STAT4: variants seen among roughly 807,000 people sequenced by gnomAD.
STAT4 encodes the protein signal transducer and activator of transcription 4.
STAT4 carries 42 observed loss-of-function variants against 110.5 expected under a neutral mutation model. That is an observed-to-expected ratio of 0.38 (90% CI 0.30 to 0.49). STAT4 has a LOEUF of 0.49. Ranked by LOEUF, STAT4 falls within the 20% of genes least tolerant of loss-of-function variation. STAT4 has a pLI of 0.95. For synonymous variants in STAT4, 284 were observed against 302.2 expected, an observed-to-expected ratio of 0.94 and a Z score of 0.63; for missense variants, 632 against 887.9, an observed-to-expected ratio of 0.71 and a Z score of 3.66.
rs1168239708 is a variant in STAT4, at chr2:191,147,501, T to TG, written c.128+574dup. Among the ~76,000 whole-genome samples, 4 of 152,026 alleles carry TG rather than the reference T, an allele frequency of 2.6e-5. No individual in the cohort carries two copies. Among genetic ancestry groups the TG allele is most frequent in the Non-Finnish European group, 5.9e-5 (4 of 67,968 alleles). ...AAATAGAATGGTGATTGCCAGGGGT[T>TG]GGGGGTGGAGGACTAGGGAGTTACT... On this transcript the variant is annotated intron_variant, in intron 2 of 23. Coordinates refer to ENST00000392320, the MANE Select transcript of STAT4 (RefSeq NM_003151.4). The surrounding 1 kb of genome is among the most constrained non-coding windows in gnomAD (Gnocchi z 4.1).
rs940493784 is a variant in STAT4 at position 191,058,585 on chromosome 2, C to T, written c.1094+125G>A. On this transcript the variant is annotated intron_variant, in intron 11 of 23. Coordinates refer to ENST00000392320, the MANE Select transcript of STAT4 (RefSeq NM_003151.4). This position sits in a 1 kb window ranked among gnomAD's most constrained non-coding sequence, Gnocchi z 4.3. ...ACTTCAAAGTCAAATATTTGAAGTA[C>T]ATTCATTATATAATGTTAGATAAGT... 1.6e-6 allele frequency: 1 copy of T among 644,360 alleles called. No individual in the cohort carries two copies. 39.9% of individuals were successfully genotyped at this position (644,360 alleles called of 1,614,324 possible).
chr2:191,137,527 T>A lies in STAT4; in HGVS notation c.273+9086A>T, dbSNP rs189781697. 7.7e-3 allele frequency among the ~76,000 whole-genome samples: 1,170 copies of A among 151,814 alleles called. 10 individuals are homozygous for A. Among genetic ancestry groups the A allele is most frequent in the African/African-American group, 0.023 (940 of 41,426 alleles). On this transcript the variant is annotated intron_variant, in intron 3 of 23. Coordinates refer to ENST00000392320, the MANE Select transcript of STAT4 (RefSeq NM_003151.4). ...ACAAAATAGTAAAATAGAAAAAAAATTTGTATGGTACCAAAAAGAGCCTGA... is the reference window on the plus strand; with the variant it reads ...ACAAAATAGTAAAATAGAAAAAAAAATTGTATGGTACCAAAAAGAGCCTGA...
chr2:191,038,277 T>C (rs545133899), intron 16 of STAT4, among the ~76,000 whole-genome samples: 1 of 152,300 alleles, frequency 6.6e-6, no homozygotes, highest in East Asian at 1.9e-4. Context: ...AGTCTTCCTC[T>C]CTGCAATTAA....
At position 191,046,994 on chromosome 2, in the gene STAT4, C is replaced by G. The variant is rs1226862225; in HGVS notation, c.1252-5846G>C. ...TGATTAGGAGTTGGAACTTCTACCC[C>G]ACTCCCTGACCTCTGGGAAGGGGAG... On this transcript the variant is annotated intron_variant, in intron 14 of 23. Coordinates refer to ENST00000392320, the MANE Select transcript of STAT4 (RefSeq NM_003151.4). The surrounding 1 kb of genome is among the most constrained non-coding windows in gnomAD (Gnocchi z 4.6). 3.3e-5 allele frequency among the ~76,000 whole-genome samples: 5 copies of G among 152,144 alleles called. No individual in the cohort carries two copies. The highest frequency in any genetic ancestry group is 7.4e-5 in the Non-Finnish European group (5 of 68,026).
At chr2:191,130,219 C>A (rs200794853) in intron 3 of STAT4, among the ~76,000 whole-genome samples, 1 of 120,826 alleles carries the variant, frequency 8.3e-6, no homozygotes, top group Non-Finnish European at 1.6e-5. Context: ...AGTCTATCTC[C>A]CTTTTTTTTT....
chr2:191,133,431 G>A (rs1699096624), intron 3 of STAT4, among the ~76,000 whole-genome samples: 1 of 142,770 alleles, frequency 7.0e-6, no homozygotes, highest in African/African-American at 2.5e-5. Flanking sequence ...ATAATGTAAG[G>A]TAAGAGATAT....
chr2:191,147,029 A>G lies in STAT4; in HGVS notation c.129-272T>C, dbSNP rs1374590319. ...ACAGAAAATGAGTGTTGGTGAGGAT[A>G]CAGAGAAATTGTGCAATGCTGGTGG... On this transcript the variant is annotated intron_variant, in intron 2 of 23. Transcript: ENST00000392320. This position sits in a 1 kb window ranked among gnomAD's most constrained non-coding sequence, Gnocchi z 4.1. Among the ~76,000 whole-genome samples, 1 of 152,164 alleles carries G rather than the reference A, an allele frequency of 6.6e-6. No individual in the cohort carries two copies. Among genetic ancestry groups the G allele is most frequent in the Non-Finnish European group, 1.5e-5 (1 of 67,996 alleles).
At position 191,077,369 on chromosome 2, in the gene STAT4, T is replaced by C. The variant is rs1328921308; in HGVS notation, c.274-1044A>G. 6.6e-6 allele frequency among the ~76,000 whole-genome samples: 1 copy of C among 152,220 alleles called. No individual in the cohort carries two copies. The highest frequency in any genetic ancestry group is 1.9e-4 in the East Asian group (1 of 5,200). On this transcript the variant is annotated intron_variant, in intron 3 of 23. Transcript: ENST00000392320. The surrounding 1 kb of genome is among the most constrained non-coding windows in gnomAD (Gnocchi z 4.1). The stretch of plus-strand genomic sequence containing the variant: ...CTAACCTTAATGGATAGAACTAATC[T>C]GAACAACACTATCAATTTAGTCAAT...
At chr2:191,067,110 C>A (rs968553016) in intron 6 of STAT4, among the ~76,000 whole-genome samples, 4 of 149,506 alleles carry the variant, frequency 2.7e-5, no homozygotes, top group Middle Eastern at 3.4e-3. Flanking sequence ...TAGCAGTGGG[C>A]CAGAGTTGTA....
intron 3 of STAT4, among the ~76,000 whole-genome samples, chr2:191,130,880 C>A (rs542186851): frequency 2.0e-5 from 3 of 151,420 alleles, no homozygotes; most frequent in South Asian, 4.1e-4. Context: ...TAGATATGAA[C>A]AATGAGAGCA....
chr2:191,107,864 G>A lies in STAT4; in HGVS notation c.274-31539C>T, dbSNP rs774949280. Among the ~76,000 whole-genome samples the A allele has an allele frequency of 2.0e-5, 3 of 152,132 alleles. No homozygotes were observed. The highest frequency in any genetic ancestry group is 4.4e-5 in the Non-Finnish European group (3 of 68,018). The stretch of plus-strand genomic sequence containing the variant: ...GTGAAGAAGTCCTAACATTTCTATA[G>A]GATGAAGGGCCCAAAGTTTCTACAG... On this transcript the variant is annotated intron_variant, in intron 3 of 23. Transcript: ENST00000392320. The surrounding 1 kb of genome is among the most constrained non-coding windows in gnomAD (Gnocchi z 4.2).
chr2:191,053,854 C>A lies in STAT4; in HGVS notation c.1251+636G>T, dbSNP rs868802930. ...ATGGAAAACTGTTCTCCGGGCTGGG[C>A]ACGGTGGCTCACGCCTATAATCCCA... On this transcript the variant is annotated intron_variant, in intron 14 of 23. Coordinates refer to ENST00000392320, the MANE Select transcript of STAT4 (RefSeq NM_003151.4). This position sits in a 1 kb window ranked among gnomAD's most constrained non-coding sequence, Gnocchi z 4.5. 3.9e-5 allele frequency among the ~76,000 whole-genome samples: 6 copies of A among 152,296 alleles called. No individual in the cohort carries two copies. The highest frequency in any genetic ancestry group is 6.8e-3 in the Middle Eastern group (2 of 294).
Position 191,150,828 on chromosome 2 carries a change from G to T in STAT4, c.-2+119C>A. On this transcript the variant is annotated intron_variant, in intron 1 of 23. Coordinates refer to ENST00000392320, the MANE Select transcript of STAT4 (RefSeq NM_003151.4). The surrounding 1 kb of genome is among the most constrained non-coding windows in gnomAD (Gnocchi z 6.4). Reference sequence around the variant, plus strand: ...TTCCTTCTATAATAAGCCTCCTCAGGAAGGTTAAAATGAAGCAATTGTCAA... The same window carrying T: ...TTCCTTCTATAATAAGCCTCCTCAGTAAGGTTAAAATGAAGCAATTGTCAA... 1.2e-6 allele frequency: 1 copy of T among 841,730 alleles called. No homozygotes were observed. The highest frequency in any genetic ancestry group is 1.4e-6 in the Non-Finnish European group (1 of 698,938). 52.1% of individuals were successfully genotyped at this position (841,730 alleles called of 1,614,324 possible).
rs146244780 is a variant in STAT4 at position 191,055,717 on chromosome 2, T to C, written c.1207-1183A>G. On this transcript the variant is annotated intron_variant, in intron 13 of 23. Coordinates refer to ENST00000392320, the MANE Select transcript of STAT4 (RefSeq NM_003151.4). ...AAGTTATTATGCAGAAGATAACCAATGTGAAAACGCTTTGCAAGAGCAAAA... is the reference window on the plus strand; with the variant it reads ...AAGTTATTATGCAGAAGATAACCAACGTGAAAACGCTTTGCAAGAGCAAAA... Among the ~76,000 whole-genome samples, 50 of 152,362 alleles carry C rather than the reference T, an allele frequency of 3.3e-4. No individual in the cohort carries two copies. The East Asian group carries it at 6.9e-3, about 21-fold the overall frequency.
At chr2:191,114,102 T>C (rs1481282791) in intron 3 of STAT4, among the ~76,000 whole-genome samples, 1 of 152,252 alleles carries the variant, frequency 6.6e-6, no homozygotes, top group Non-Finnish European at 1.5e-5. Flanking sequence ...AGACTTAGTG[T>C]ATCTACCTGA....
chr2:191,077,314 C>T lies in STAT4; in HGVS notation c.274-989G>A, dbSNP rs1301725388. On this transcript the variant is annotated intron_variant, in intron 3 of 23. Coordinates refer to ENST00000392320, the MANE Select transcript of STAT4 (RefSeq NM_003151.4). This position sits in a 1 kb window ranked among gnomAD's most constrained non-coding sequence, Gnocchi z 4.1. ...TGTCCCAAGCACTCATTTACCTTACCTGCAAGGCCTCTGTAGGTGTCTGAG... is the reference window on the plus strand; with the variant it reads ...TGTCCCAAGCACTCATTTACCTTACTTGCAAGGCCTCTGTAGGTGTCTGAG... Among the ~76,000 whole-genome samples, 1 of 152,180 alleles carries T rather than the reference C, an allele frequency of 6.6e-6. No individual in the cohort carries two copies. The highest frequency in any genetic ancestry group is 2.4e-5 in the African/African-American group (1 of 41,444).
rs577925706 is a variant in STAT4 at position 191,121,042 on chromosome 2, C to T, written c.273+25571G>A. Among the ~76,000 whole-genome samples, 587 of 152,222 alleles carry T rather than the reference C, an allele frequency of 3.9e-3. 1 individual carries two copies. The highest frequency in any genetic ancestry group is 0.013 in the African/African-American group (556 of 41,542). Reference sequence around the variant, plus strand: ...ACTCATCTGACAAAGGGCTAATATCCAGAATCTACAAAGAACTCAAACAAA... The same window carrying T: ...ACTCATCTGACAAAGGGCTAATATCTAGAATCTACAAAGAACTCAAACAAA... On this transcript the variant is annotated intron_variant, in intron 3 of 23. Transcript: ENST00000392320.
At chr2:191,148,506 T>A (rs1699512637) in intron 1 of STAT4, among the ~76,000 whole-genome samples, 1 of 152,142 alleles carries the variant, frequency 6.6e-6, no homozygotes, top group Non-Finnish European at 1.5e-5. Context: ...CTATGTGAAT[T>A]TCTATTATCA....
At chr2:191,038,052 G>A (rs770576749) in intron 16 of STAT4, among the ~76,000 whole-genome samples, 15 of 152,350 alleles carry the variant, frequency 9.8e-5, no homozygotes, top group Admixed American at 6.5e-5. Flanking sequence ...TACAGAAGGA[G>A]GTTGCTGAAG....
Sources: gnomAD v4.1 joint callset for allele counts (sites outside exome capture counted in the v4.1 genomes callset) on GRCh38, gnomAD v4.1.1 for gene constraint, Gnocchi (gnomAD v3.1) non-coding constraint, MANE v1.5 for transcripts, NCBI Gene and HGNC (gene_info 2026-07-23, HGNC 2026-07-21) for gene names.